CTNNBL1: variants seen among roughly 807,000 people sequenced by gnomAD.
CTNNBL1 encodes the protein catenin beta like 1, also known as beta-catenin-like protein 1.
A neutral mutation model predicts 72.7 loss-of-function variants in CTNNBL1; 31 were observed. The observed-to-expected ratio is 0.43, with a 90% CI of 0.32 to 0.58. CTNNBL1 has a LOEUF of 0.58. Ranked by LOEUF, CTNNBL1 falls within the 20% of genes least tolerant of loss-of-function variation. The pLI is 0.08. For missense variants in CTNNBL1, 534 were observed against 725.1 expected (o/e 0.74, Z 3.03); for synonymous variants, 240 against 267.3 (o/e 0.90, Z 1.00).
intron 11 of CTNNBL1, among the ~76,000 whole-genome samples, chr20:37,824,166 G>A (rs992452335): frequency 4.5e-4 from 69 of 152,222 alleles, no homozygotes; most frequent in Admixed American, 4.5e-3. Flanking sequence ...TTCATTAGAG[G>A]ACTCGGGCTG....
chr20:37,754,913 T>G (rs553626621), intron 4 of CTNNBL1, among the ~76,000 whole-genome samples: 28 of 152,210 alleles, frequency 1.8e-4, no homozygotes, highest in African/African-American at 6.7e-4. Flanking sequence ...GTTCAAACAA[T>G]TCTCCTGCCT....
At chr20:37,827,659 G>C (rs1450841019) in intron 11 of CTNNBL1, among the ~76,000 whole-genome samples, 1 of 152,180 alleles carries the variant, frequency 6.6e-6, no homozygotes, top group Non-Finnish European at 1.5e-5. Flanking sequence ...AGAATTAACT[G>C]TTAGATATAC....
At chr20:37,818,501 C>T (rs1312180792) in intron 11 of CTNNBL1, among the ~76,000 whole-genome samples, 1 of 152,168 alleles carries the variant, frequency 6.6e-6, no homozygotes, top group Non-Finnish European at 1.5e-5. Flanking sequence ...AGTATTCCAG[C>T]CTTGTGGTCT....
At chr20:37,721,786 T>A (rs771026053) in intron 1 of CTNNBL1, among the ~76,000 whole-genome samples, 1 of 152,224 alleles carries the variant, frequency 6.6e-6, no homozygotes, top group Non-Finnish European at 1.5e-5. Flanking sequence ...CATTTAACTT[T>A]GTTTCTTATT....
intron 5 of CTNNBL1, among the ~76,000 whole-genome samples, chr20:37,760,707 A>T (rs1363033999): frequency 6.6e-6 from 1 of 152,238 alleles, no homozygotes; most frequent in Non-Finnish European, 1.5e-5. Context: ...GAGATATTTA[A>T]TAAGTCTTTA....
rs551762148 is a variant in CTNNBL1 at position 37,810,604 on chromosome 20, A to G, written c.1213+7556A>G. 3.3e-5 allele frequency among the ~76,000 whole-genome samples: 5 copies of G among 152,284 alleles called. No individual in the cohort carries two copies. In the East Asian group the frequency reaches 7.7e-4, roughly 23 times the overall value. The stretch of plus-strand genomic sequence containing the variant: ...GACTCCAGACTTCACACTATAATAA[A>G]TGTTCATTAGTGGTTGAAGAAGCCC... On this transcript the variant is annotated intron_variant, in intron 11 of 15. Transcript: ENST00000361383.
chr20:37,741,844 A>G (rs944816458), intron 3 of CTNNBL1, among the ~76,000 whole-genome samples: 2 of 152,082 alleles, frequency 1.3e-5, no homozygotes, highest in African/African-American at 2.4e-5. Flanking sequence ...TTGCAGTTTT[A>G]TTCTCTGCTT....
intron 1 of CTNNBL1, among the ~76,000 whole-genome samples, chr20:37,715,382 T>C (rs2072977327): frequency 6.6e-6 from 1 of 152,194 alleles, no homozygotes; most frequent in Non-Finnish European, 1.5e-5. Flanking sequence ...AAAAAGATAA[T>C]GAAAATGTTA....
At chr20:37,783,684 T>G (rs1057072221) in intron 10 of CTNNBL1, among the ~76,000 whole-genome samples, 3 of 152,234 alleles carry the variant, frequency 2.0e-5, no homozygotes, top group Non-Finnish European at 4.4e-5. Flanking sequence ...CTCTTGTTAT[T>G]GATTTCTAGT....
chr20:37,840,042 A>C, intron 11 of CTNNBL1, 60 bp from the exon 12 acceptor site: 1 of 1,237,582 alleles, frequency 8.1e-7, no homozygotes, highest in Non-Finnish European at 1.2e-6. Flanking sequence ...CGAGGCTTGA[A>C]GAGAGGTAAT....
intron 11 of CTNNBL1, among the ~76,000 whole-genome samples, chr20:37,805,732 C>T (rs2071954237): frequency 6.6e-6 from 1 of 152,120 alleles, no homozygotes; most frequent in South Asian, 2.1e-4. Flanking sequence ...CTCAGGGAAG[C>T]ATGTCATGAA....
intron 11 of CTNNBL1, among the ~76,000 whole-genome samples, chr20:37,818,028 A>G (rs910081112): frequency 2.5e-4 from 38 of 152,232 alleles, no homozygotes; most frequent in Admixed American, 4.6e-4. Context: ...AAAGAAGCCC[A>G]CATCTGATTC....
intron 1 of CTNNBL1, among the ~76,000 whole-genome samples, chr20:37,712,131 C>T (rs139658742): frequency 5.9e-5 from 9 of 152,290 alleles, no homozygotes; most frequent in East Asian, 5.8e-4. Context: ...ATTGCTTTCC[C>T]GCCTAGGTTG....
At position 37,808,472 on chromosome 20, in the gene CTNNBL1, C is replaced by T. The variant is rs191076383; in HGVS notation, c.1213+5424C>T. Reference sequence around the variant, plus strand: ...TGTTTGAGGCCAGCTTTTACTGGGGCTCCTGCTATGTTCAAAATATAACAA... The same window carrying T: ...TGTTTGAGGCCAGCTTTTACTGGGGTTCCTGCTATGTTCAAAATATAACAA... On this transcript the variant is annotated intron_variant, in intron 11 of 15. Transcript: ENST00000361383. Among the ~76,000 whole-genome samples the T allele has an allele frequency of 3.9e-5, 6 of 152,276 alleles. No homozygotes were observed. The East Asian group carries it at 1.2e-3, about 29-fold the overall frequency.
At chr20:37,801,668 A>C (rs1321628649) in intron 10 of CTNNBL1, among the ~76,000 whole-genome samples, 2 of 152,254 alleles carry the variant, frequency 1.3e-5, no homozygotes, top group East Asian at 1.9e-4. Context: ...ACATTCTTTC[A>C]TACCAATAGT....
chr20:37,754,376 C>G (rs1162008122), intron 4 of CTNNBL1, among the ~76,000 whole-genome samples: 2 of 150,904 alleles, frequency 1.3e-5, no homozygotes, highest in Non-Finnish European at 2.9e-5. Context: ...CTGCCTTGGC[C>G]TCCCAAAGTG....
chr20:37,759,680 G>T (rs886766326), intron 5 of CTNNBL1, among the ~76,000 whole-genome samples: 42 of 152,246 alleles, frequency 2.8e-4, no homozygotes, highest in African/African-American at 9.9e-4. Flanking sequence ...GTTTATCCTG[G>T]TGGGGCTGGT....
At chr20:37,794,912 C>T (rs2073758901) in intron 10 of CTNNBL1, among the ~76,000 whole-genome samples, 1 of 152,002 alleles carries the variant, frequency 6.6e-6, no homozygotes. Flanking sequence ...GCTCCACTGG[C>T]ATCTGGCTTT....
At chr20:37,869,760 G>A (rs2072567271) in intron 15 of CTNNBL1, among the ~76,000 whole-genome samples, 1 of 152,012 alleles carries the variant, frequency 6.6e-6, no homozygotes, top group African/African-American at 2.4e-5. Flanking sequence ...GAGGCTGAGG[G>A]AGGGAACTAA....
Sources: gnomAD v4.1 joint callset for allele counts (sites outside exome capture counted in the v4.1 genomes callset) on GRCh38, gnomAD v4.1.1 for gene constraint, MANE v1.5 for transcripts, NCBI Gene and HGNC (gene_info 2026-07-23, HGNC 2026-07-21) for gene names.